Variants in ATAD1 observed in about 807,000 individuals in gnomAD.
ATAD1 encodes the protein outer mitochondrial transmembrane helix translocase.
In ATAD1, 18 loss-of-function variants were observed where a neutral mutation model predicts 42.7. The ratio of observed to expected loss-of-function variants is 0.42; its 90% confidence interval spans 0.29 to 0.63. The LOEUF (loss-of-function observed/expected upper bound fraction) is 0.63, where lower values mean the gene tolerates loss of function less well. Ranked by LOEUF, ATAD1 falls within the 20% of genes least tolerant of loss-of-function variation. The probability of loss-of-function intolerance (pLI) is 0.19; values close to 1 mark genes in which losing one functional copy is unlikely to be tolerated. For missense variants in ATAD1, 294 were observed against 440.4 expected, an observed-to-expected ratio of 0.67 and a Z score of 2.98; for synonymous variants, 132 against 143.1, an observed-to-expected ratio of 0.92 and a Z score of 0.55.
chr10:87,819,764 C>T (rs1857592800), upstream of ATAD1, among the ~76,000 whole-genome samples: 1 of 152,148 alleles, frequency 6.6e-6, no homozygotes, highest in African/African-American at 2.4e-5. Context: ...TACGTTTTCT[C>T]TTTGAGATGG....
chr10:87,806,332 ATATCT>A (rs979458561), intron 2 of ATAD1, among the ~76,000 whole-genome samples: 3 of 152,074 alleles, frequency 2.0e-5, no homozygotes, highest in Non-Finnish European at 4.4e-5. Flanking sequence ...AGATAAAATA[ATATCT>A]TAGACTGTTT....
intron 1 of ATAD1, among the ~76,000 whole-genome samples, chr10:87,838,736 T>TTTTCTCTC (rs1554887925): frequency 1.2e-3 from 159 of 131,862 alleles, no homozygotes; most frequent in Middle Eastern, 3.7e-3. Context: ...CTCATTCATA[T>TTTTCTCTC]TCTCTCTCTC....
Position 87,809,748 on chromosome 10 carries a change from C to A in ATAD1, c.162+4690G>T, listed in dbSNP as rs11202566. On this transcript the variant is annotated intron_variant, in intron 2 of 9. Transcript: ENST00000680024. ...CTCGGCTCATTGTAACCCCCGCCTC[C>A]TGGATTCAAGCGATTCTCCTCCTGA... Among the ~76,000 whole-genome samples, 437 of 152,076 alleles carry A rather than the reference C, an allele frequency of 2.9e-3. 1 individual carries two copies. The highest frequency in any genetic ancestry group is 9.9e-3 in the African/African-American group (411 of 41,472).
At chr10:87,793,982 T>G (rs1439122259) in intron 2 of ATAD1, among the ~76,000 whole-genome samples, 1 of 151,950 alleles carries the variant, frequency 6.6e-6, no homozygotes, top group Non-Finnish European at 1.5e-5. Flanking sequence ...CCCAGCACTT[T>G]GGAAGGCTGA....
intron 8 of ATAD1, among the ~76,000 whole-genome samples, chr10:87,757,947 G>A (rs1483110598): frequency 1.3e-5 from 2 of 152,162 alleles, no homozygotes; most frequent in Non-Finnish European, 2.9e-5. Flanking sequence ...GTTACATGAA[G>A]ATAAATCATG....
At chr10:87,775,932 T>C (rs1855283397) in intron 6 of ATAD1, among the ~76,000 whole-genome samples, 1 of 152,118 alleles carries the variant, frequency 6.6e-6, no homozygotes, top group Non-Finnish European at 1.5e-5. Flanking sequence ...GTATAAGGAA[T>C]TATGGTGAAA....
At chr10:87,803,987 T>C (rs906945627) in intron 2 of ATAD1, among the ~76,000 whole-genome samples, 2 of 152,210 alleles carry the variant, frequency 1.3e-5, no homozygotes, top group Admixed American at 1.3e-4. Context: ...CTCAGTCTTA[T>C]AAGACTCAGC....
intron 2 of ATAD1, among the ~76,000 whole-genome samples, chr10:87,801,227 T>C (rs1426015195): frequency 1.3e-5 from 2 of 152,224 alleles, no homozygotes; most frequent in Non-Finnish European, 2.9e-5. Flanking sequence ...TTCTGAGTTA[T>C]CACTTTGGTG....
intron 5 of ATAD1, among the ~76,000 whole-genome samples, chr10:87,782,984 G>GAA (rs763169377): frequency 7.3e-6 from 1 of 136,740 alleles, no homozygotes; most frequent in Admixed American, 7.3e-5. Context: ...GACAGAGCGT[G>GAA]AAAAAAAAAA....
chr10:87,836,305 G>A (rs973574878), intron 1 of ATAD1, among the ~76,000 whole-genome samples: 1 of 151,914 alleles, frequency 6.6e-6, no homozygotes, highest in Non-Finnish European at 1.5e-5. Context: ...GATGTTTCAG[G>A]TTACCTTATG....
chr10:87,802,935 TCCC>T (rs1856769954), intron 2 of ATAD1, among the ~76,000 whole-genome samples: 1 of 152,192 alleles, frequency 6.6e-6, no homozygotes. Context: ...CCTTCTTTTT[TCCC>T]CCATTTTTCC....
rs760236586 is a variant in ATAD1 at position 87,756,843 on chromosome 10, C to T, written c.911G>A (p.Arg304Gln). 5.6e-6 allele frequency: 9 copies of T among 1,612,896 alleles called. No homozygotes were observed. The East Asian group carries it at 6.7e-5, about 12-fold the overall frequency. The change falls in exon 9 of 10, where the codon CGA becomes CAA. Residue 304 changes from arginine (R) to glutamine (Q), a missense_variant. By Grantham distance (43) the Arg-to-Gln change is conservative. Transcript: ENST00000680024. ...TCTAACACAGAGGAGGGCAGCATCT[C>T]GACACATCTCTTTTAGGTCACTTCC... ...FSGSDLKEMC[R>Q]DAALLCVREY...
At chr10:87,831,382 T>G (rs1305923126) in intron 1 of ATAD1, among the ~76,000 whole-genome samples, 1 of 152,260 alleles carries the variant, frequency 6.6e-6, no homozygotes, top group Admixed American at 6.5e-5. Context: ...CGATTCTCAT[T>G]CTTGCCAGTG....
At chr10:87,788,675 A>G (rs902847620) in intron 4 of ATAD1, among the ~76,000 whole-genome samples, 49 of 152,348 alleles carry the variant, frequency 3.2e-4, no homozygotes, top group Non-Finnish European at 6.6e-4. Context: ...AACACTGATA[A>G]AAAAAGAAGC....
intron 2 of ATAD1, among the ~76,000 whole-genome samples, chr10:87,811,666 G>A (rs1857191325): frequency 6.7e-6 from 1 of 149,958 alleles, no homozygotes; most frequent in South Asian, 2.1e-4. Context: ...GAATAATTTG[G>A]GAAAAGTTCT....
At chr10:87,790,158 G>T in intron 4 of ATAD1, 152 bp downstream of exon 4, 1 of 802,452 alleles carries the variant, frequency 1.2e-6, no homozygotes, top group Non-Finnish European at 1.8e-6. Context: ...TTCAGAAGCT[G>T]AAGAATGAGC....
chr10:87,763,604 T>C (rs1207471498), intron 8 of ATAD1, among the ~76,000 whole-genome samples: 41 of 152,110 alleles, frequency 2.7e-4, no homozygotes, highest in Admixed American at 2.5e-3. Context: ...GCCCAGGAGA[T>C]CAAGGTTGCA....
At position 87,756,859 on chromosome 10, in the gene ATAD1, G is replaced by A; in HGVS notation, c.895C>T (p.Leu299=). The A allele has an allele frequency of 6.2e-7, 1 of 1,612,068 alleles. No homozygotes were observed. Among genetic ancestry groups the A allele is most frequent in the East Asian group, 2.2e-5 (1 of 44,760 alleles). The change falls in exon 9 of 10, where the codon CTA becomes TTA. Residue 299 remains leucine (L), a synonymous_variant. Coordinates refer to ENST00000680024, the MANE Select transcript of ATAD1 (RefSeq NM_001321967.2). ...GCAGCATCTCGACACATCTCTTTTAGGTCACTTCCTGAAAACCCATCAGTT... is the reference window on the plus strand; with the variant it reads ...GCAGCATCTCGACACATCTCTTTTAAGTCACTTCCTGAAAACCCATCAGTT... ...QETDGFSGSD[L]KEMCRDAALL...
intron 5 of ATAD1, among the ~76,000 whole-genome samples, chr10:87,782,346 G>C (rs963012782): frequency 6.6e-6 from 1 of 152,158 alleles, no homozygotes; most frequent in Admixed American, 6.5e-5. Context: ...AACTTTGAAA[G>C]ACTTCAGTAA....
Sources: gnomAD v4.1 joint callset for allele counts (sites outside exome capture counted in the v4.1 genomes callset) on GRCh38, gnomAD v4.1.1 for gene constraint, MANE v1.5 for transcripts, NCBI Gene and HGNC (gene_info 2026-07-23, HGNC 2026-07-21) for gene names.